Variants in TULP4 observed in about 807,000 individuals in gnomAD.
TULP4 encodes tubby-related protein 4.
In TULP4, 16 loss-of-function variants were observed where a neutral mutation model predicts 129.0. The observed-to-expected ratio is 0.12, with a 90% CI of 0.08 to 0.19. The LOEUF (loss-of-function observed/expected upper bound fraction) is 0.19. Among genes scored for constraint, TULP4 ranks in the 10% least tolerant of loss-of-function variants. The pLI, the probability that TULP4 is intolerant of heterozygous loss-of-function variation, is 1.00. For synonymous variants in TULP4, 998 were observed against 854.0 expected (o/e 1.17, Z -2.94); for missense variants, 1,842 against 2,059.1 (o/e 0.89, Z 2.04).
upstream of TULP4, among the ~76,000 whole-genome samples, chr6:158,278,025 A>T (rs1008317608): frequency 6.6e-6 from 1 of 152,208 alleles, no homozygotes; most frequent in Non-Finnish European, 1.5e-5. Flanking sequence ...CCCAGGCTCA[A>T]GCTTTTGTTG....
intron 13 of TULP4, among the ~76,000 whole-genome samples, chr6:158,504,984 T>TAAGACCCAC (rs1554297765): frequency 2.0e-5 from 3 of 151,492 alleles, no homozygotes; most frequent in Non-Finnish European, 4.4e-5. Context: ...TGCTAGTCAA[T>TAAGACCCAC]AGCTGAGCCA....
rs1215505793 is a variant in TULP4, at chr6:158,495,291, A to C, written c.1870+445A>C. 3.3e-5 allele frequency among the ~76,000 whole-genome samples: 5 copies of C among 152,194 alleles called. No homozygotes were observed. In the East Asian group the frequency reaches 9.6e-4, roughly 29 times the overall value. The stretch of plus-strand genomic sequence containing the variant: ...TGGTCTCAAACTCCTGAGCTCAAGC[A>C]ATTTGCCCACCTCAACCTTCCAAAG... On this transcript the variant is annotated intron_variant, in intron 11 of 13. Transcript: ENST00000367097.
At chr6:158,361,512 C>T (rs1003752404) in intron 1 of TULP4, among the ~76,000 whole-genome samples, 3 of 152,124 alleles carry the variant, frequency 2.0e-5, no homozygotes, top group Non-Finnish European at 2.9e-5. Context: ...CTTTTTATGA[C>T]GTTTTTCTTA....
rs1780380552 is a variant in TULP4, at chr6:158,498,607, T to C, written c.1871-62T>C. 5.0e-6 allele frequency: 8 copies of C among 1,602,164 alleles called. No homozygotes were observed. The South Asian group carries it at 8.8e-5, about 18-fold the overall frequency. On this transcript the variant is annotated intron_variant, in intron 11 of 13. Coordinates refer to ENST00000367097, the MANE Select transcript of TULP4 (RefSeq NM_020245.5). Reference sequence around the variant, plus strand: ...GTGCGCTCTTCTTCCTGTGACTCTCTTGACACTTTGGCTCTGCTCTGGTGT... The same window carrying C: ...GTGCGCTCTTCTTCCTGTGACTCTCCTGACACTTTGGCTCTGCTCTGGTGT...
intron 1 of TULP4, among the ~76,000 whole-genome samples, chr6:158,345,232 C>CA (rs1418523156): frequency 6.6e-6 from 1 of 152,218 alleles, no homozygotes; most frequent in African/African-American, 2.4e-5. Flanking sequence ...ACTGCAGCCT[C>CA]AAACTCCTGG....
chr6:158,477,658 T>C (rs138087032), intron 6 of TULP4, among the ~76,000 whole-genome samples: 1 of 152,352 alleles, frequency 6.6e-6, no homozygotes, highest in Admixed American at 6.5e-5. Context: ...GCTTCTACAC[T>C]GCTAGTGGGA....
At chr6:158,302,592 C>G (rs139225973) in intron 1 of TULP4, among the ~76,000 whole-genome samples, 412 of 152,172 alleles carry the variant, frequency 2.7e-3, no homozygotes, top group African/African-American at 9.6e-3. Context: ...AGAGAGCGGC[C>G]GCTGCTCAAT....
chr6:158,366,694 C>A (rs965936472), intron 1 of TULP4, among the ~76,000 whole-genome samples: 1 of 152,212 alleles, frequency 6.6e-6, no homozygotes, highest in African/African-American at 2.4e-5. Flanking sequence ...TGTTGGTAAA[C>A]ATGCCTGCCT....
chr6:158,485,675 G>A (rs2128252667), intron 8 of TULP4, among the ~76,000 whole-genome samples: 1 of 152,372 alleles, frequency 6.6e-6, no homozygotes, highest in East Asian at 1.9e-4. Context: ...CATGGGGGCA[G>A]GATCCCTGCC....
chr6:158,461,886 A>C (rs1250492109), intron 6 of TULP4, among the ~76,000 whole-genome samples, 157 bp downstream of exon 6: 1 of 152,180 alleles, frequency 6.6e-6, no homozygotes, highest in African/African-American at 2.4e-5. Flanking sequence ...TTTGCCTTTT[A>C]ACCAGAATGC....
chr6:158,489,723 A>G lies in TULP4; in HGVS notation c.1622A>G (p.Lys541Arg), dbSNP rs752755828. Residue 541 changes from lysine to arginine, a missense_variant, in exon 9 of 14, where the codon AAA becomes AGA. Physicochemically the swap from Lys to Arg is conservative, Grantham distance 26. Coordinates refer to ENST00000367097, the MANE Select transcript of TULP4 (RefSeq NM_020245.5). ...PKISRASKSPKLPRISIEARK... is the reference protein window; with the variant it reads ...PKISRASKSPRLPRISIEARK... ...ATCTCCAGAGCTAGCAAATCACCCA[A>G]ACTCCCAAGGTAATCTCAGTCTTTG... The G allele has an allele frequency of 1.2e-5, 19 of 1,613,886 alleles. No homozygotes were observed. The South Asian group carries it at 1.6e-4, about 14-fold the overall frequency.
rs542047747 is a variant in TULP4, at chr6:158,267,402, A to G, written n.68+35099A>G. 1.2e-4 allele frequency among the ~76,000 whole-genome samples: 18 copies of G among 152,336 alleles called. No homozygotes were observed. The South Asian group carries it at 3.7e-3, about 32-fold the overall frequency. On this transcript the variant is annotated intron_variant and non_coding_transcript_variant, in intron 1 of 1. Coordinates refer to the TULP4 transcript ENST00000620026. ...TCAAACACAGAAGATGAAAGCAACT[A>G]AGTGATGTGAGAAGTCAGTGTGGGT... is the stretch of plus-strand genomic sequence containing the variant.
rs538504182 is a variant in TULP4, at chr6:158,331,150, T to C, written c.252+16882T>C. On this transcript the variant is annotated intron_variant, in intron 1 of 13. Coordinates refer to ENST00000367097, the MANE Select transcript of TULP4 (RefSeq NM_020245.5). ...AGATCACTTCAAAACCATGCAAATA[T>C]CCTATTCCTTATCAGAATTTCTTCC... 2.6e-5 allele frequency among the ~76,000 whole-genome samples: 4 copies of C among 152,330 alleles called. No homozygotes were observed. The East Asian group carries it at 5.8e-4, about 22-fold the overall frequency.
intron 1 of TULP4, among the ~76,000 whole-genome samples, chr6:158,243,847 GGTGTGTGTGT>G (rs57298904): frequency 1.5e-3 from 220 of 143,600 alleles, no homozygotes; most frequent in Non-Finnish European, 1.8e-3. Context: ...AGCTGAAATA[GGTGTGTGTGT>G]GTGTGTGTGT....
chr6:158,267,227 A>T (rs1453302734), intron 1 of TULP4, among the ~76,000 whole-genome samples: 3 of 152,164 alleles, frequency 2.0e-5, no homozygotes, highest in Non-Finnish European at 4.4e-5. Flanking sequence ...TTCTTTCTAT[A>T]ATCCAGGACA....
At chr6:158,387,995 CCAA>C (rs1269809080) in intron 1 of TULP4, among the ~76,000 whole-genome samples, 2 of 152,132 alleles carry the variant, frequency 1.3e-5, no homozygotes, top group East Asian at 1.9e-4. Context: ...TCAGACTTCT[CCAA>C]CAAGTGAATT....
intron 1 of TULP4, among the ~76,000 whole-genome samples, chr6:158,253,408 G>T (rs1034592710): frequency 6.6e-6 from 1 of 152,154 alleles, no homozygotes; most frequent in East Asian, 1.9e-4. Context: ...CTGCCCTGCC[G>T]TAAGTGGAGA....
chr6:158,272,191 GT>G (rs1778564497), intron 1 of TULP4, among the ~76,000 whole-genome samples: 1 of 152,118 alleles, frequency 6.6e-6, no homozygotes. Context: ...ACCATGTGAT[GT>G]GGCAACAGGT....
intron 1 of TULP4, among the ~76,000 whole-genome samples, chr6:158,347,931 GT>G (rs1428379266): frequency 2.0e-5 from 3 of 150,720 alleles, no homozygotes; most frequent in Non-Finnish European, 4.4e-5. Flanking sequence ...ATCTGTAAGT[GT>G]TTTCTAAATT....
Sources: gnomAD v4.1 joint callset for allele counts (sites outside exome capture counted in the v4.1 genomes callset) on GRCh38, gnomAD v4.1.1 for gene constraint, MANE v1.5 for transcripts, NCBI Gene and HGNC (gene_info 2026-07-23, HGNC 2026-07-21) for gene names.